The following SPG11 variants were observed in gnomAD, a reference collection of about 807,000 sequenced individuals.
The protein encoded by SPG11 is SPG11 vesicle trafficking associated, spatacsin, also known as spatacsin.
In SPG11, 222 loss-of-function variants were observed where a neutral mutation model predicts 274.0. The observed-to-expected ratio is 0.81, with a 90% confidence interval of 0.73 to 0.91. The LOEUF is 0.91. Among genes scored for constraint, SPG11 ranks in the 40% least tolerant of loss-of-function variants. SPG11 has a pLI of 0.00. For synonymous variants in SPG11, 1,144 were observed against 1,039.7 expected (o/e 1.10, Z -1.93); for missense variants, 3,114 against 2,872.7 (o/e 1.08, Z -1.92).
intron 6 of SPG11, among the ~76,000 whole-genome samples, chr15:44,649,827 G>A (rs1026664228): frequency 2.6e-5 from 4 of 151,526 alleles, no homozygotes; most frequent in Admixed American, 1.3e-4. Context: ...CCTGGGAGGC[G>A]GAGGTTGCAG....
chr15:44,580,720 G>A (rs1477209116), intron 30 of SPG11, among the ~76,000 whole-genome samples: 1 of 152,252 alleles, frequency 6.6e-6, no homozygotes. Context: ...GAACCTGGGA[G>A]GCAGAGGTTG....
In SPG11 at chr15:44,580,740, G is replaced by A. The variant is rs138228062; in HGVS notation, c.5866+3074C>T. Among the ~76,000 whole-genome samples, 1,342 of 152,312 alleles carry A rather than the reference G, an allele frequency of 8.8e-3. 16 individuals carry two copies. Among genetic ancestry groups the A allele is most frequent in the African/African-American group, 0.031 (1,288 of 41,560 alleles). ...TGGGAGGCAGAGGTTGCAGTAAGCC[G>A]AGATTGCGCCACTGCACTCCAGCCT... On this transcript the variant is annotated intron_variant, in intron 30 of 39. Transcript: ENST00000261866.
intron 7 of SPG11, among the ~76,000 whole-genome samples, chr15:44,642,364 C>CAAAAAAAAA (rs36011354): frequency 2.3e-5 from 1 of 44,358 alleles, no homozygotes; most frequent in Admixed American, 2.9e-4. Flanking sequence ...GACTCCATCT[C>CAAAAAAAAA]AAAAAAAAAA....
At chr15:44,620,050 G>A in intron 15 of SPG11, 140 bp downstream of exon 15, 1 of 749,504 alleles carries the variant, frequency 1.3e-6, no homozygotes. Flanking sequence ...ACTGTAAGAT[G>A]ATGCCCTTTA....
Position 44,663,615 on chromosome 15 carries a change from A to G in SPG11, c.33T>C (p.Ala11=). The G allele has an allele frequency of 1.3e-6, 2 of 1,596,750 alleles. No individual in the cohort carries two copies. Among genetic ancestry groups the G allele is most frequent in the Non-Finnish European group, 1.7e-6 (2 of 1,176,094 alleles). Residue 11 remains alanine, a synonymous_variant, in exon 1 of 40, where the codon GCT becomes GCC. Transcript: ENST00000261866. ...CGGTGCCCCAGCTACCGCCGGCGGA[A>G]GCAGCACTCGCGACCCCTTCCTCTG... MAAEEGVASA[A]SAGGSWGTAA... is the part of the protein sequence containing the mutation.
intron 11 of SPG11, among the ~76,000 whole-genome samples, chr15:44,623,142 T>G (rs2083801249): frequency 6.6e-6 from 1 of 151,976 alleles, no homozygotes; most frequent in Non-Finnish European, 1.5e-5. Context: ...AGAGATGGGA[T>G]TTCTTCCTGT....
At position 44,594,319 on chromosome 15, in the gene SPG11, G is replaced by A. The variant is rs183743945; in HGVS notation, c.4635+940C>T. Among the ~76,000 whole-genome samples the A allele has an allele frequency of 6.0e-3, 907 of 151,846 alleles. 2 individuals carry two copies. The highest frequency in any genetic ancestry group is 0.01 in the Admixed American group (156 of 15,258). ...CACGCGCCTGTAGTCCAAGCTACTCGGGAGGCTGAGGCAGGAGAATTGCTT... is the reference window on the plus strand; with the variant it reads ...CACGCGCCTGTAGTCCAAGCTACTCAGGAGGCTGAGGCAGGAGAATTGCTT... On this transcript the variant is annotated intron_variant, in intron 26 of 39. Coordinates refer to ENST00000261866, the MANE Select transcript of SPG11 (RefSeq NM_025137.4).
chr15:44,651,791 A>G lies in SPG11; in HGVS notation c.1156T>C (p.Phe386Leu), dbSNP rs1566826592. 8.1e-6 allele frequency: 13 copies of G among 1,614,186 alleles called. No homozygotes were observed. The highest frequency in any genetic ancestry group is 1.1e-5 in the Non-Finnish European group (13 of 1,180,032). Residue 386 changes from phenylalanine to leucine, a missense_variant, in exon 6 of 40, where the codon TTC becomes CTC. Phe to Leu is a conservative substitution (Grantham distance 22). Transcript: ENST00000261866. ...CCATGCATTATGTCCTGTGGAATGA[A>G]GGCCCAGCTCTGCACACTTGTACTG... is the stretch of plus-strand genomic sequence containing the variant. Reference protein sequence around the residue: ...NHSTSVQSWAFIPQDIMHGQY... With the variant: ...NHSTSVQSWALIPQDIMHGQY...
rs2084791586 is a variant in SPG11 at position 44,651,886 on chromosome 15, A to C, written c.1061T>G (p.Leu354Arg). Residue 354 changes from leucine (L) to arginine (R), a missense_variant, in exon 6 of 40, where the codon CTG (leucine) becomes CGG (arginine). Transcript: ENST00000261866. ...SLNETIKNSK[L>R]EVSCCAPWFQ... is the part of the protein sequence containing the mutation. ...CCATGGAGCACAACAGGAAACCTCC[A>C]GTTTGGAGTTCTTTATTGTTTCATT... The C allele has an allele frequency of 6.2e-7, 1 of 1,613,024 alleles. No individual in the cohort carries two copies. Among genetic ancestry groups the C allele is most frequent in the Admixed American group, 1.7e-5 (1 of 59,876 alleles).
chr15:44,641,440 A>C (rs2084435030), intron 7 of SPG11, among the ~76,000 whole-genome samples: 1 of 152,128 alleles, frequency 6.6e-6, no homozygotes, highest in Non-Finnish European at 1.5e-5. Flanking sequence ...ACAGACTAGA[A>C]TACATCCACC....
Position 44,575,098 on chromosome 15 carries a change from A to G in SPG11, c.5867-57T>C, listed in dbSNP as rs149210826. 129 of 1,606,246 alleles carry G rather than the reference A, an allele frequency of 8.0e-5. No homozygotes were observed. In the East Asian group the frequency reaches 2.8e-3, roughly 35 times the overall value. ...AGCTGGGAGGTTCTGGCCTCTCCCT[A>G]GCTCTCTATGGCTCTACCTCTCTGC... On this transcript the variant is annotated intron_variant, in intron 30 of 39. Transcript: ENST00000261866.
At position 44,636,877 on chromosome 15, in the gene SPG11, G is replaced by A. The variant is rs28566474; in HGVS notation, c.1603-3240C>T. Among the ~76,000 whole-genome samples the A allele has an allele frequency of 7.1e-3, 881 of 123,986 alleles. 7 individuals carry two copies. The highest frequency in any genetic ancestry group is 0.025 in the African/African-American group (812 of 32,214). The allele number at this position is 123,986 out of a possible 152,430, so 81.3% of individuals were successfully genotyped here. ...GGAGGCAGGGGTTGCACTGAGCAGAGATCGCATCATTGCACTCCGGTGTGG... is the reference window on the plus strand; with the variant it reads ...GGAGGCAGGGGTTGCACTGAGCAGAAATCGCATCATTGCACTCCGGTGTGG... On this transcript the variant is annotated intron_variant, in intron 7 of 39. Transcript: ENST00000261866.
At position 44,591,284 on chromosome 15, in the gene SPG11, A is replaced by C. The variant is rs144771882; in HGVS notation, c.4743+1047T>G. On this transcript the variant is annotated intron_variant, in intron 27 of 39. Transcript: ENST00000261866. ...GACACTGTTCCTGAATGTTTTCTATAACCATTCTGACTGGATTTTGATGTT... is the reference window on the plus strand; with the variant it reads ...GACACTGTTCCTGAATGTTTTCTATCACCATTCTGACTGGATTTTGATGTT... 2.1e-3 allele frequency among the ~76,000 whole-genome samples: 322 copies of C among 152,348 alleles called. 1 individual carries two copies. Among genetic ancestry groups the C allele is most frequent in the African/African-American group, 7.4e-3 (306 of 41,580 alleles).
intron 15 of SPG11, among the ~76,000 whole-genome samples, chr15:44,617,468 TC>T (rs1330560349): frequency 6.6e-6 from 1 of 152,208 alleles, no homozygotes; most frequent in Non-Finnish European, 1.5e-5. Context: ...AGCCCCATTG[TC>T]AAAAAGATGG....
intron 8 of SPG11, among the ~76,000 whole-genome samples, chr15:44,629,932 G>A (rs536235490): frequency 3.3e-5 from 5 of 152,316 alleles, no homozygotes; most frequent in Admixed American, 2.0e-4. Flanking sequence ...TTAGCCAGGC[G>A]TGCTGGCAGG....
intron 27 of SPG11, among the ~76,000 whole-genome samples, chr15:44,591,273 ATG>A (rs1375595858): frequency 6.6e-6 from 1 of 152,200 alleles, no homozygotes; most frequent in Admixed American, 6.5e-5. Context: ...CTGTTCCTGA[ATG>A]TTTTCTATAA....
chr15:44,599,290 AT>A (rs1227184765), intron 21 of SPG11, among the ~76,000 whole-genome samples: 3 of 151,950 alleles, frequency 2.0e-5, no homozygotes, highest in Non-Finnish European at 2.9e-5. Flanking sequence ...AGAAATTACT[AT>A]TTTTTATTTT....
intron 7 of SPG11, among the ~76,000 whole-genome samples, chr15:44,637,447 G>A (rs1437142779): frequency 6.6e-6 from 1 of 152,064 alleles, no homozygotes; most frequent in Non-Finnish European, 1.5e-5. Context: ...CAAATAGCTG[G>A]GACTATAGGT....
Position 44,663,413 on chromosome 15 carries a change from A to G in SPG11, c.235T>C (p.Cys79Arg). 5.0e-6 allele frequency: 8 copies of G among 1,607,310 alleles called. No individual in the cohort carries two copies. Among genetic ancestry groups the G allele is most frequent in the Non-Finnish European group, 6.8e-6 (8 of 1,177,582 alleles). ...TACTGCCAGAAGGGGCCCTCCAGGC[A>G]GCAGCGACCCCCGCCCCGGCTGCCA... is the stretch of plus-strand genomic sequence containing the variant. ...TPGSRGGGRC[C>R]LEGPFWHFLW... Residue 79 changes from cysteine (C) to arginine (R), a missense_variant, in exon 1 of 40, where the codon TGC becomes CGC. Transcript: ENST00000261866.
Sources: allele counts gnomAD v4.1 joint callset (sites outside exome capture counted in the v4.1 genomes callset), GRCh38; gene constraint gnomAD v4.1.1; transcripts MANE v1.5; gene names NCBI Gene and HGNC (gene_info 2026-07-23, HGNC 2026-07-21).